The following NSL1 variants were observed in gnomAD, a reference collection of about 807,000 sequenced individuals.
The protein encoded by NSL1 is kinetochore-associated protein NSL1 homolog.
In NSL1, 11 loss-of-function variants were observed where a neutral mutation model predicts 25.4. The observed-to-expected ratio is 0.43, with a 90% CI of 0.27 to 0.72. NSL1 has a LOEUF of 0.72. Among genes scored for constraint, NSL1 ranks in the 30% least tolerant of loss-of-function variants. NSL1 has a pLI of 0.19. For missense variants in NSL1, 330 were observed against 342.7 expected (o/e 0.96, Z 0.29); for synonymous variants, 118 against 120.6 (o/e 0.98, Z 0.14).
rs532313864 is a variant in NSL1 at position 212,730,237 on chromosome 1, CAAAAAAAAAAA to C, written c.*8160_*8170del. The C allele has an allele frequency of 1.8e-4, 108 of 603,928 alleles. 1 individual carries two copies. The African/African-American group carries it at 2.4e-3, about 13-fold the overall frequency. 37.4% of individuals were successfully genotyped at this position (603,928 alleles called of 1,614,324 possible). A position where few individuals can be genotyped will look rare whatever the true frequency, so the allele number is the denominator to read the frequency against. Reference sequence around the variant, plus strand: ...TACACTCCAGCCTGGGTGACAGTCTCAAAAAAAAAAAAAAAAAAAAAAAAAAAAGAAATGCG... The same window carrying C: ...TACACTCCAGCCTGGGTGACAGTCTCAAAAAAAAAAAAAAAAAGAAATGCG... On this transcript the variant is annotated 3_prime_UTR_variant, in exon 6 of 6. Transcript: ENST00000366977.
At position 212,733,501 on chromosome 1, in the gene NSL1, T is replaced by C. The variant is rs969175605; in HGVS notation, c.*4907A>G. ...TCCTATTCCTTCCACCCTCTCCATCTTTCCAGCCTTAGGCAGTGACAGATC... is the reference window on the plus strand; with the variant it reads ...TCCTATTCCTTCCACCCTCTCCATCCTTCCAGCCTTAGGCAGTGACAGATC... On this transcript the variant is annotated 3_prime_UTR_variant, in exon 6 of 6. Transcript: ENST00000366977. Among the ~76,000 whole-genome samples, 1 of 152,132 alleles carries C rather than the reference T, an allele frequency of 6.6e-6. No individual in the cohort carries two copies. The highest frequency in any genetic ancestry group is 2.4e-5 in the African/African-American group (1 of 41,444).
At chr1:212,771,816 C>T (rs1462820001) in intron 4 of NSL1, among the ~76,000 whole-genome samples, 1 of 151,850 alleles carries the variant, frequency 6.6e-6, no homozygotes, top group African/African-American at 2.4e-5. Flanking sequence ...AGCAAAAGAC[C>T]TCTATAAGGA....
At position 212,729,235 on chromosome 1, in the gene NSL1, G is replaced by A; in HGVS notation, c.*9173C>T. On this transcript the variant is annotated 3_prime_UTR_variant, in exon 6 of 6. Coordinates refer to ENST00000366977, the MANE Select transcript of NSL1 (RefSeq NM_015471.4). The stretch of plus-strand genomic sequence containing the variant: ...TCAGGTTCCCTCTAGGAGCAGAAGT[G>A]CAGGTTTGCTTGGGCTCCTAGCCTC... The A allele has an allele frequency of 1.0e-6, 1 of 985,420 alleles. No homozygotes were observed. The highest frequency in any genetic ancestry group is 1.2e-6 in the Non-Finnish European group (1 of 829,932). The allele number at this position is 985,420 out of a possible 1,614,324, so 61.0% of individuals were successfully genotyped here.
chr1:212,771,208 G>A (rs1660091560), intron 4 of NSL1, among the ~76,000 whole-genome samples: 1 of 152,152 alleles, frequency 6.6e-6, no homozygotes, highest in African/African-American at 2.4e-5. Flanking sequence ...CAGCTACTCA[G>A]GAGACTGAGG....
At chr1:212,748,731 T>C (rs894885766) in intron 4 of NSL1, among the ~76,000 whole-genome samples, 2 of 152,124 alleles carry the variant, frequency 1.3e-5, no homozygotes, top group African/African-American at 4.8e-5. Flanking sequence ...TGGGAAACAT[T>C]TTGGGGTACT....
At chr1:212,779,344 C>A (rs1660565408) in intron 4 of NSL1, among the ~76,000 whole-genome samples, 1 of 141,652 alleles carries the variant, frequency 7.1e-6, no homozygotes, top group South Asian at 2.2e-4. Flanking sequence ...GGGGGTCAGC[C>A]CCCCTCCCGG....
intron 4 of NSL1, among the ~76,000 whole-genome samples, chr1:212,741,971 A>G (rs1003641240): frequency 1.2e-4 from 18 of 152,158 alleles, no homozygotes; most frequent in African/African-American, 4.3e-4. Flanking sequence ...GCACAGTTCT[A>G]GTACAATGCC....
intron 2 of NSL1, 74 bp from the exon 3 acceptor site, chr1:212,784,567 CTA>C: frequency 2.3e-6 from 2 of 879,786 alleles, no homozygotes; most frequent in Non-Finnish European, 3.2e-6. Context: ...TGGAAATGTG[CTA>C]TAAACTAAAT....
At chr1:212,756,321 T>C (rs1659306713) in intron 4 of NSL1, among the ~76,000 whole-genome samples, 1 of 152,258 alleles carries the variant, frequency 6.6e-6, no homozygotes, top group East Asian at 1.9e-4. Flanking sequence ...GGTTTTGCCA[T>C]GTTGCCCTAG....
chr1:212,746,380 CA>C (rs1346034805), intron 4 of NSL1, among the ~76,000 whole-genome samples: 9 of 151,694 alleles, frequency 5.9e-5, no homozygotes, highest in African/African-American at 2.2e-4. Flanking sequence ...TTGTAATCCC[CA>C]AGGAAACCAC....
chr1:212,758,389 CT>C (rs1240917977), intron 4 of NSL1, among the ~76,000 whole-genome samples: 1 of 152,164 alleles, frequency 6.6e-6, no homozygotes, highest in Non-Finnish European at 1.5e-5. Context: ...ATGACATGAT[CT>C]TTTATATATA....
chr1:212,781,605 T>C (rs1207561633), intron 4 of NSL1, among the ~76,000 whole-genome samples: 3 of 152,064 alleles, frequency 2.0e-5, no homozygotes, highest in African/African-American at 4.8e-5. Flanking sequence ...TATTAAAGAG[T>C]AGTTCAGAAT....
chr1:212,779,673 C>T (rs1323978513), intron 4 of NSL1, among the ~76,000 whole-genome samples: 1 of 115,250 alleles, frequency 8.7e-6, no homozygotes, highest in Non-Finnish European at 1.8e-5. Context: ...TGCCTGGCCG[C>T]CCCTACTGGG....
chr1:212,742,703 A>C (rs1258869836), intron 4 of NSL1, among the ~76,000 whole-genome samples: 1 of 152,232 alleles, frequency 6.6e-6, no homozygotes, highest in Non-Finnish European at 1.5e-5. Context: ...GAAACTATAG[A>C]GATGATATGT....
At chr1:212,750,751 C>G (rs138804723) in intron 4 of NSL1, among the ~76,000 whole-genome samples, 658 of 152,100 alleles carry the variant, frequency 4.3e-3, no homozygotes, top group Middle Eastern at 0.017. Context: ...ACTAGCCTGG[C>G]TAACATGGTG....
chr1:212,789,737 T>C (rs78826419), intron 1 of NSL1, among the ~76,000 whole-genome samples: 3,468 of 152,360 alleles, frequency 0.023, 63 homozygotes, highest in South Asian at 0.041. Flanking sequence ...CTTTATCTTA[T>C]AATTCACTTT....
rs1658081494 is a variant in NSL1, at chr1:212,732,833, C to G, written c.*5575G>C. 1 of 155,162 alleles carries G rather than the reference C, an allele frequency of 6.4e-6. No homozygotes were observed. Among genetic ancestry groups the G allele is most frequent in the African/African-American group, 2.4e-5 (1 of 41,458 alleles). The allele number at this position is 155,162 out of a possible 1,614,324, so 9.6% of individuals were successfully genotyped here. ...CTGAGATATCTTTTAGCTAATCATG[C>G]ACTTGATTATTAGTTTGACTGTGTA... On this transcript the variant is annotated 3_prime_UTR_variant, in exon 6 of 6. Transcript: ENST00000366977.
rs531445670 is a variant in NSL1 at position 212,732,764 on chromosome 1, A to G, written c.*5644T>C. On this transcript the variant is annotated 3_prime_UTR_variant, in exon 6 of 6. Transcript: ENST00000366977. ...GAGCACAGCCCCTGGTAGAACCCCCAAACGGGATGCCTTGGAGGTAATTTT... is the reference window on the plus strand; with the variant it reads ...GAGCACAGCCCCTGGTAGAACCCCCGAACGGGATGCCTTGGAGGTAATTTT... 30 of 464,042 alleles carry G rather than the reference A, an allele frequency of 6.5e-5. No homozygotes were observed. The highest frequency in any genetic ancestry group is 6.1e-4 in the African/African-American group (29 of 47,272). The allele number at this position is 464,042 out of a possible 1,614,324, so 28.7% of individuals were successfully genotyped here. A position where few individuals can be genotyped will look rare whatever the true frequency, so the allele number is the denominator to read the frequency against.
intron 4 of NSL1, among the ~76,000 whole-genome samples, chr1:212,746,000 C>G (rs766423829): frequency 1.3e-5 from 2 of 151,870 alleles, no homozygotes; most frequent in Admixed American, 6.6e-5. Flanking sequence ...AACAAAACAA[C>G]TTGAAGGAGT....
Sources: gnomAD v4.1 joint callset for allele counts (sites outside exome capture counted in the v4.1 genomes callset) on GRCh38, gnomAD v4.1.1 for gene constraint, MANE v1.5 for transcripts, NCBI Gene and HGNC (gene_info 2026-07-23, HGNC 2026-07-21) for gene names.